The following ZNF407 variants were observed in gnomAD, a reference collection of about 807,000 sequenced individuals.
ZNF407 encodes the protein zinc finger protein 407.
In ZNF407, 17 loss-of-function variants were observed where a neutral mutation model predicts 131.2. That is an observed-to-expected ratio of 0.13 (90% CI 0.09 to 0.19). ZNF407 has a LOEUF of 0.19. Ranked by LOEUF, ZNF407 falls within the 10% of genes least tolerant of loss-of-function variation. The pLI is 1.00. For synonymous variants in ZNF407, 1,156 were observed against 1,062.0 expected (o/e 1.09, Z -1.72); for missense variants, 2,681 against 2,830.6 (o/e 0.95, Z 1.20).
chr18:74,865,444 T>C (rs1970997696), intron 4 of ZNF407, among the ~76,000 whole-genome samples: 1 of 152,202 alleles, frequency 6.6e-6, no homozygotes, highest in Non-Finnish European at 1.5e-5. Flanking sequence ...TTCTGTATGT[T>C]TATGTTAGCT....
rs111642366 is a variant in ZNF407, at chr18:74,772,014, T to C, written c.4803-9414T>C. On this transcript the variant is annotated intron_variant, in intron 3 of 8. Transcript: ENST00000299687. Reference sequence around the variant, plus strand: ...ATTTTTCTTACTTTCTATGAGGCTATAATCTTTCATTAGGCAAGAAGTATG... The same window carrying C: ...ATTTTTCTTACTTTCTATGAGGCTACAATCTTTCATTAGGCAAGAAGTATG... 1.4e-3 allele frequency among the ~76,000 whole-genome samples: 211 copies of C among 152,348 alleles called. 1 individual carries two copies. Among genetic ancestry groups the C allele is most frequent in the African/African-American group, 4.8e-3 (199 of 41,588 alleles).
chr18:74,695,687 A>G (rs892977755), intron 3 of ZNF407, among the ~76,000 whole-genome samples: 4 of 152,120 alleles, frequency 2.6e-5, no homozygotes, highest in African/African-American at 7.2e-5. Flanking sequence ...ACATATATGT[A>G]TAGATGTATT....
At position 74,717,583 on chromosome 18, in the gene ZNF407, G is replaced by A. The variant is rs1967925664; in HGVS notation, c.4803-63845G>A. Among the ~76,000 whole-genome samples, 3 of 152,102 alleles carry A rather than the reference G, an allele frequency of 2.0e-5. No homozygotes were observed. The South Asian group carries it at 6.2e-4, about 32-fold the overall frequency. Reference sequence around the variant, plus strand: ...ACAATTTGTGTGATCATTGTTTATAGTAAACCTGTTAAGATTTTATTCGCT... The same window carrying A: ...ACAATTTGTGTGATCATTGTTTATAATAAACCTGTTAAGATTTTATTCGCT... On this transcript the variant is annotated intron_variant, in intron 3 of 8. Transcript: ENST00000299687.
chr18:74,988,840 T>C (rs1157520939), intron 8 of ZNF407, among the ~76,000 whole-genome samples: 1 of 152,126 alleles, frequency 6.6e-6, no homozygotes, highest in Non-Finnish European at 1.5e-5. Context: ...AGTGAGGATG[T>C]AGTCATCTAG....
intron 4 of ZNF407, among the ~76,000 whole-genome samples, chr18:74,821,426 C>T (rs1007014297): frequency 6.6e-6 from 1 of 151,812 alleles, no homozygotes; most frequent in African/African-American, 2.4e-5. Flanking sequence ...CCCTAGTCCC[C>T]CACCCCACAA....
chr18:74,820,636 A>G (rs1247026858), intron 4 of ZNF407, among the ~76,000 whole-genome samples: 3 of 152,150 alleles, frequency 2.0e-5, no homozygotes, highest in South Asian at 2.1e-4. Flanking sequence ...CAGTCGTTCA[A>G]CCTTGCCATT....
At chr18:74,785,837 A>T (rs994111041) in intron 4 of ZNF407, among the ~76,000 whole-genome samples, 3 of 151,580 alleles carry the variant, frequency 2.0e-5, no homozygotes, top group Non-Finnish European at 2.9e-5. Flanking sequence ...TGTCACTCAC[A>T]TGGCATGCAC....
chr18:75,038,464 G>A (rs2122236044), intron 8 of ZNF407, among the ~76,000 whole-genome samples: 1 of 152,286 alleles, frequency 6.6e-6, no homozygotes, highest in African/African-American at 2.4e-5. Context: ...GTTTAAAATG[G>A]GTTAGCAGGA....
chr18:74,791,838 G>A (rs2145051274), intron 4 of ZNF407, among the ~76,000 whole-genome samples: 1 of 152,242 alleles, frequency 6.6e-6, no homozygotes, highest in African/African-American at 2.4e-5. Flanking sequence ...TCTGCGCTTT[G>A]AAGAAGGGGA....
intron 4 of ZNF407, among the ~76,000 whole-genome samples, chr18:74,822,853 T>C (rs927702948): frequency 6.6e-6 from 1 of 152,220 alleles, no homozygotes; most frequent in Non-Finnish European, 1.5e-5. Flanking sequence ...TAAATTACTT[T>C]GGGCAATAAG....
At chr18:74,989,602 G>C (rs915340107) in intron 8 of ZNF407, among the ~76,000 whole-genome samples, 2 of 152,130 alleles carry the variant, frequency 1.3e-5, no homozygotes, top group Admixed American at 1.3e-4. Flanking sequence ...AGCATTTTGG[G>C]AGGCTGAGGC....
At chr18:74,757,905 A>G (rs1969001524) in intron 3 of ZNF407, among the ~76,000 whole-genome samples, 1 of 152,052 alleles carries the variant, frequency 6.6e-6, no homozygotes. Context: ...TCTAGTAACA[A>G]TCTTCCTTTT....
At chr18:74,665,043 G>T (rs967870224) in intron 3 of ZNF407, among the ~76,000 whole-genome samples, 2 of 152,212 alleles carry the variant, frequency 1.3e-5, no homozygotes, top group East Asian at 3.8e-4. Flanking sequence ...TAAGGAGATT[G>T]TTCAAGGAGT....
intron 4 of ZNF407, among the ~76,000 whole-genome samples, chr18:74,834,145 C>T (rs1481187597): frequency 3.3e-5 from 5 of 152,146 alleles, no homozygotes; most frequent in Admixed American, 6.5e-5. Context: ...ACAAAATCAC[C>T]GATTAACCCT....
intron 3 of ZNF407, 86 bp from the exon 4 acceptor site, chr18:74,781,342 T>A: frequency 1.1e-6 from 1 of 918,832 alleles, no homozygotes; most frequent in South Asian, 1.6e-5. Flanking sequence ...TGTTTGCATA[T>A]ATATATTATT....
At chr18:75,033,563 G>A (rs762805834) in intron 8 of ZNF407, among the ~76,000 whole-genome samples, 7 of 152,162 alleles carry the variant, frequency 4.6e-5, no homozygotes, top group Admixed American at 2.6e-4. Context: ...TGGAGGTGAC[G>A]GTGGAGAGGT....
chr18:74,729,396 A>G (rs1467330490), intron 3 of ZNF407, among the ~76,000 whole-genome samples: 1 of 151,956 alleles, frequency 6.6e-6, no homozygotes, highest in Non-Finnish European at 1.5e-5. Flanking sequence ...TTGTCCATTG[A>G]TTTTTTAATA....
chr18:74,621,301 A>T (rs1983499138), intron 1 of ZNF407, among the ~76,000 whole-genome samples: 1 of 152,104 alleles, frequency 6.6e-6, no homozygotes, highest in Non-Finnish European at 1.5e-5. Flanking sequence ...TTTGGCCAAA[A>T]CATAGTTGCT....
chr18:74,712,494 T>C (rs746077346), intron 3 of ZNF407, among the ~76,000 whole-genome samples: 1 of 152,352 alleles, frequency 6.6e-6, no homozygotes, highest in Non-Finnish European at 1.5e-5. Context: ...CCAGTAGTCA[T>C]GGCGAAGCCA....
Sources: gnomAD v4.1 joint callset for allele counts (sites outside exome capture counted in the v4.1 genomes callset) on GRCh38, gnomAD v4.1.1 for gene constraint, MANE v1.5 for transcripts, NCBI Gene and HGNC (gene_info 2026-07-23, HGNC 2026-07-21) for gene names.